The following CETN3 variants were observed in gnomAD, a reference collection of about 807,000 sequenced individuals.
CETN3 encodes centrin-3.
CETN3 carries 17 observed loss-of-function variants against 20.1 expected under a neutral mutation model. That is an observed-to-expected ratio of 0.85 (90% CI 0.58 to 1.27). The LOEUF (loss-of-function observed/expected upper bound fraction) is 1.27. Ranked by LOEUF, CETN3 falls within the 50% of genes most tolerant of loss-of-function variation. CETN3 has a pLI of 0.00. For missense variants in CETN3, 169 were observed against 191.2 expected, an observed-to-expected ratio of 0.88 and a Z score of 0.69; for synonymous variants, 52 against 59.7, an observed-to-expected ratio of 0.87 and a Z score of 0.59.
At chr5:90,403,045 C>T (rs1332779404) in intron 3 of CETN3, among the ~76,000 whole-genome samples, 1 of 152,164 alleles carries the variant, frequency 6.6e-6, no homozygotes, top group African/African-American at 2.4e-5. Flanking sequence ...CTTAAAGACA[C>T]TAATTCCTAA....
In CETN3 at chr5:90,409,675, A is replaced by C. The variant is rs372838261; in HGVS notation, c.-14T>G. On this transcript the variant is annotated 5_prime_UTR_variant, in exon 1 of 5. Coordinates refer to ENST00000283122, the MANE Select transcript of CETN3 (RefSeq NM_004365.4). ...AGCTAAACTCATTATCTCTTCGCAC[A>C]GAGACGTTCCTCTCAAGAACGATTT... 37 of 1,614,150 alleles carry C rather than the reference A, an allele frequency of 2.3e-5. No individual in the cohort carries two copies. In the African/African-American group the frequency reaches 4.8e-4, roughly 21 times the overall value.
chr5:90,404,449 A>G (rs952859207), intron 3 of CETN3, among the ~76,000 whole-genome samples: 2 of 152,246 alleles, frequency 1.3e-5, no homozygotes, highest in African/African-American at 4.8e-5. Context: ...AAACTTCAGG[A>G]GAGTGTCCAT....
At chr5:90,405,634 TCAGA>T (rs1749417612) in intron 3 of CETN3, 47 bp downstream of exon 3, 4 of 1,170,754 alleles carry the variant, frequency 3.4e-6, no homozygotes, top group Non-Finnish European at 5.1e-6. Context: ...GTGATATTAA[TCAGA>T]CAATTTCCTA....
chr5:90,402,772 C>T (rs1749331344), intron 3 of CETN3, among the ~76,000 whole-genome samples: 1 of 152,222 alleles, frequency 6.6e-6, no homozygotes. Context: ...TAGTTGCTGA[C>T]TTCTGTCCTA....
chr5:90,396,142 G>A, intron 4 of CETN3: 3 of 982,220 alleles, frequency 3.1e-6, no homozygotes, highest in Non-Finnish European at 3.6e-6. Flanking sequence ...AGAGAGCTGG[G>A]GTGGGAGAAT....
intron 1 of CETN3, 140 bp downstream of exon 1, chr5:90,409,505 A>T: frequency 1.1e-6 from 1 of 914,856 alleles, no homozygotes. Context: ...TGATCCGGGC[A>T]GGCTGCCCTA....
rs751200712 is a variant in CETN3 at position 90,409,734 on chromosome 5, G to T, written c.-73C>A. On this transcript the variant is annotated 5_prime_UTR_variant, in exon 1 of 5. In the 5' UTR this introduces an upstream ATG that the reference lacks. Transcript: ENST00000283122. ...TACCCAAGGCAGCAAGACGCCCACAGCCGTTCAACAGACACGAACGACCTC... is the reference window on the plus strand; with the variant it reads ...TACCCAAGGCAGCAAGACGCCCACATCCGTTCAACAGACACGAACGACCTC... The T allele has an allele frequency of 1.7e-5, 27 of 1,580,802 alleles. No individual in the cohort carries two copies. In the South Asian group the frequency reaches 3.0e-4, roughly 17 times the overall value.
At chr5:90,408,738 T>C (rs899605843) in intron 1 of CETN3, among the ~76,000 whole-genome samples, 5 of 150,854 alleles carry the variant, frequency 3.3e-5, no homozygotes, top group Admixed American at 1.3e-4. Context: ...GTCAAACCAG[T>C]TGACTGTACT....
chr5:90,394,755 T>C (rs1422103082), intron 4 of CETN3, among the ~76,000 whole-genome samples: 1 of 151,820 alleles, frequency 6.6e-6, no homozygotes, highest in Non-Finnish European at 1.5e-5. Context: ...AGGCAGAAAA[T>C]AATCATGGAT....
rs1008592627 is a variant in CETN3, at chr5:90,392,774, G to A, written c.*1290C>T. 5.9e-5 allele frequency: 9 copies of A among 152,018 alleles called. No homozygotes were observed. The highest frequency in any genetic ancestry group is 2.1e-4 in the South Asian group (1 of 4,828). The allele number at this position is 152,018 out of a possible 1,614,324, so 9.4% of individuals were successfully genotyped here. ...AATATGCAGTCTTGGGTATTTCTTC[G>A]TAGCAATACAAGAATGACTTAATAT... On this transcript the variant is annotated 3_prime_UTR_variant, in exon 5 of 5. Coordinates refer to ENST00000283122, the MANE Select transcript of CETN3 (RefSeq NM_004365.4).
At chr5:90,405,070 T>C (rs1580164254) in intron 3 of CETN3, among the ~76,000 whole-genome samples, 1 of 152,198 alleles carries the variant, frequency 6.6e-6, no homozygotes, top group East Asian at 1.9e-4. Context: ...CACATTATCT[T>C]CAGTTGGTGG....
intron 2 of CETN3, 26 bp downstream of exon 2, chr5:90,407,673 A>G (rs1164483386): frequency 3.6e-6 from 5 of 1,370,922 alleles, no homozygotes; most frequent in African/African-American, 3.0e-5. Context: ...TAACACAGAA[A>G]CAAATATTTT....
At chr5:90,405,161 G>A (rs1275270046) in intron 3 of CETN3, among the ~76,000 whole-genome samples, 1 of 152,092 alleles carries the variant, frequency 6.6e-6, no homozygotes, top group Non-Finnish European at 1.5e-5. Context: ...TTTATCCACT[G>A]AGATCAAGGT....
chr5:90,402,765 T>C (rs1055191464), intron 3 of CETN3, among the ~76,000 whole-genome samples: 6 of 152,194 alleles, frequency 3.9e-5, no homozygotes, highest in African/African-American at 1.2e-4. Flanking sequence ...AAGGCTATAG[T>C]TGCTGACTTC....
intron 3 of CETN3, among the ~76,000 whole-genome samples, chr5:90,399,793 A>T (rs1006797501): frequency 2.2e-4 from 34 of 152,192 alleles, no homozygotes; most frequent in African/African-American, 7.7e-4. Context: ...AGTAAGCAAA[A>T]CTATATCACA....
At chr5:90,396,730 A>C (rs1749145145) in intron 4 of CETN3, among the ~76,000 whole-genome samples, 1 of 152,172 alleles carries the variant, frequency 6.6e-6, no homozygotes, top group African/African-American at 2.4e-5. Context: ...CTCAAACTGC[A>C]AATTTTAAGT....
intron 1 of CETN3, among the ~76,000 whole-genome samples, chr5:90,408,533 T>G (rs965664152): frequency 1.3e-5 from 2 of 152,200 alleles, no homozygotes; most frequent in African/African-American, 4.8e-5. Context: ...ATGAGTCTTG[T>G]CTCATTTAAC....
At chr5:90,396,066 T>C in intron 4 of CETN3, 1 of 940,508 alleles carries the variant, frequency 1.1e-6, no homozygotes, top group Non-Finnish European at 1.3e-6. Context: ...TAAGAAAAAT[T>C]TAGGTAAAGG....
intron 4 of CETN3, among the ~76,000 whole-genome samples, chr5:90,398,406 T>C (rs889260384): frequency 1.4e-4 from 22 of 152,294 alleles, no homozygotes; most frequent in East Asian, 5.8e-4. Context: ...AGGCCTTCAA[T>C]GGAAGTCTCA....
Sources: gnomAD v4.1 joint callset for allele counts (sites outside exome capture counted in the v4.1 genomes callset) on GRCh38, gnomAD v4.1.1 for gene constraint, MANE v1.5 for transcripts, NCBI Gene and HGNC (gene_info 2026-07-23, HGNC 2026-07-21) for gene names.